INVS: variants seen among roughly 807,000 people sequenced by gnomAD.
INVS encodes the protein inversion of embryo turning homolog.
A neutral mutation model predicts 108.8 loss-of-function variants in INVS; 86 were observed. The ratio of observed to expected loss-of-function variants is 0.79; its 90% confidence interval spans 0.66 to 0.95. The LOEUF is 0.95. Ranked by LOEUF, INVS falls within the 40% of genes least tolerant of loss-of-function variation. INVS has a pLI of 0.00. For synonymous variants in INVS, 455 were observed against 473.5 expected (o/e 0.96, Z 0.51); for missense variants, 1,169 against 1,297.4 (o/e 0.90, Z 1.52).
At chr9:100,109,520 T>C (rs1827275784) in intron 2 of INVS, among the ~76,000 whole-genome samples, 1 of 152,214 alleles carries the variant, frequency 6.6e-6, no homozygotes, top group Non-Finnish European at 1.5e-5. Flanking sequence ...TAATGATCAA[T>C]GTTGTCATTA....
chr9:100,213,461 C>T (rs1426050890), intron 3 of INVS, among the ~76,000 whole-genome samples: 1 of 151,996 alleles, frequency 6.6e-6, no homozygotes, highest in Non-Finnish European at 1.5e-5. Flanking sequence ...CCACCTTGGC[C>T]TCCCAAAGTG....
At chr9:100,171,311 T>C (rs1489649453) in intron 3 of INVS, among the ~76,000 whole-genome samples, 1 of 152,198 alleles carries the variant, frequency 6.6e-6, no homozygotes, top group Non-Finnish European at 1.5e-5. Context: ...ACCTAGAGTA[T>C]TCAATATAGT....
intron 3 of INVS, among the ~76,000 whole-genome samples, chr9:100,151,333 G>T (rs903022560): frequency 6.6e-6 from 1 of 151,974 alleles, no homozygotes; most frequent in South Asian, 2.1e-4. Context: ...TTAAAAATTC[G>T]CCAGGCATGG....
At chr9:100,155,845 T>C (rs1828958430) in intron 3 of INVS, among the ~76,000 whole-genome samples, 1 of 152,228 alleles carries the variant, frequency 6.6e-6, no homozygotes, top group African/African-American at 2.4e-5. Context: ...ATTTCATTAG[T>C]AACCAAGATT....
intron 3 of INVS, among the ~76,000 whole-genome samples, chr9:100,158,007 G>A (rs552410596): frequency 6.6e-6 from 1 of 152,272 alleles, no homozygotes; most frequent in South Asian, 2.1e-4. Flanking sequence ...ATTTCTTAAT[G>A]TGGTGTATAT....
intron 3 of INVS, among the ~76,000 whole-genome samples, chr9:100,163,514 T>A (rs1829260529): frequency 6.6e-6 from 1 of 152,164 alleles, no homozygotes; most frequent in Non-Finnish European, 1.5e-5. Flanking sequence ...ACTTCAAAGA[T>A]CTTACATTTT....
At position 100,284,433 on chromosome 9, in the gene INVS, CCAG is replaced by C. The variant is rs886063267; in HGVS notation, c.1902_1904del (p.Ser634del). ...TGTCTGCCTAGCACCCAGGATGTGC[CCAG>C]CAGGCAGAGCCGGGCCCCCAGCAAG... On this transcript the variant is annotated inframe_deletion, in exon 13 of 17. Transcript: ENST00000262457. 6.2e-7 allele frequency: 1 copy of C among 1,614,164 alleles called. No homozygotes were observed. Among genetic ancestry groups the C allele is most frequent in the Non-Finnish European group, 8.5e-7 (1 of 1,180,028 alleles).
At position 100,285,091 on chromosome 9, in the gene INVS, T is replaced by G. The variant is rs201861609; in HGVS notation, c.2068+488T>G. On this transcript the variant is annotated intron_variant, in intron 13 of 16. Coordinates refer to ENST00000262457, the MANE Select transcript of INVS (RefSeq NM_014425.5). ...TCCTTTCTGTATGAAGAGCTTTCTATGGCCAATCTTTAAGGGTATGTCTGC... is the reference window on the plus strand; with the variant it reads ...TCCTTTCTGTATGAAGAGCTTTCTAGGGCCAATCTTTAAGGGTATGTCTGC... 9.2e-5 allele frequency among the ~76,000 whole-genome samples: 14 copies of G among 152,346 alleles called. No individual in the cohort carries two copies. The East Asian group carries it at 2.7e-3, about 29-fold the overall frequency.
chr9:100,210,334 G>A (rs558904966), intron 3 of INVS, among the ~76,000 whole-genome samples: 20 of 152,288 alleles, frequency 1.3e-4, no homozygotes, highest in African/African-American at 4.6e-4. Flanking sequence ...GGAGCTTATG[G>A]GGACAAATTG....
rs1833666693 is a variant in INVS at position 100,292,809 on chromosome 9, G to A, written c.2552G>A (p.Ser851Asn). 2 of 1,614,028 alleles carry A rather than the reference G, an allele frequency of 1.2e-6. No individual in the cohort carries two copies. The highest frequency in any genetic ancestry group is 1.7e-6 in the Non-Finnish European group (2 of 1,180,034). ...GGGCTCTATTCACATTTGCCACAGA[G>A]CACAGAGGAGTTGAGGTCAGGAGCT... The part of the protein sequence containing the change: ...TGGLYSHLPQ[S>N]TEELRSGARR... Residue 851 changes from serine (S) to asparagine (N), a missense_variant, in exon 14 of 17, where the codon AGC becomes AAC. Coordinates refer to ENST00000262457, the MANE Select transcript of INVS (RefSeq NM_014425.5).
At position 100,292,672 on chromosome 9, in the gene INVS, G is replaced by A. The variant is rs192492227; in HGVS notation, c.2415G>A (p.Pro805=). The change falls in exon 14 of 17, where the codon CCG becomes CCA. Residue 805 remains proline, a synonymous_variant. Coordinates refer to ENST00000262457, the MANE Select transcript of INVS (RefSeq NM_014425.5). ...AGCTCAGAGGAGGAAGGTGCTCTCC[G>A]GCTGGTTCTAGCCGCCCTGGCAGTG... ...TQELRGGRCS[P]AGSSRPGSAR... is the part of the protein sequence containing the mutation. 1.1e-5 allele frequency: 17 copies of A among 1,614,144 alleles called. No homozygotes were observed. Among genetic ancestry groups the A allele is most frequent in the Middle Eastern group, 1.6e-4 (1 of 6,062 alleles).
At chr9:100,276,374 G>T (rs561482664) in intron 12 of INVS, among the ~76,000 whole-genome samples, 1 of 152,326 alleles carries the variant, frequency 6.6e-6, no homozygotes, top group African/African-American at 2.4e-5. Flanking sequence ...GCAAATGCAA[G>T]CAGCCCATCA....
chr9:100,263,717 A>G (rs190002256), intron 10 of INVS, among the ~76,000 whole-genome samples: 9 of 152,338 alleles, frequency 5.9e-5, no homozygotes, highest in Admixed American at 5.2e-4. Context: ...GGATATGGAC[A>G]TCTTTGTGAG....
intron 2 of INVS, among the ~76,000 whole-genome samples, chr9:100,118,358 G>A (rs182697748): frequency 3.3e-5 from 5 of 151,030 alleles, no homozygotes; most frequent in African/African-American, 1.2e-4. Context: ...ACAGACGCCC[G>A]CCACCACACC....
rs559961019 is a variant in INVS at position 100,295,186 on chromosome 9, C to T, written c.2787-1731C>T. Among the ~76,000 whole-genome samples, 13 of 152,296 alleles carry T rather than the reference C, an allele frequency of 8.5e-5. No homozygotes were observed. In the South Asian group the frequency reaches 2.3e-3, roughly 27 times the overall value. The stretch of plus-strand genomic sequence containing the variant: ...TCCCTACCTGAAATGTCTCCTTCTC[C>T]GACTGTCTGACTCCTTTGAAGAGTC... On this transcript the variant is annotated intron_variant, in intron 14 of 16. Transcript: ENST00000262457.
At chr9:100,230,806 C>T (rs188346636) in intron 5 of INVS, among the ~76,000 whole-genome samples, 2 of 152,336 alleles carry the variant, frequency 1.3e-5, no homozygotes, top group Admixed American at 6.5e-5. Flanking sequence ...CGTGAGCCAA[C>T]GTGTCCGACC....
At chr9:100,262,029 C>T (rs1832641251) in intron 10 of INVS, among the ~76,000 whole-genome samples, 1 of 147,556 alleles carries the variant, frequency 6.8e-6, no homozygotes, top group Non-Finnish European at 1.5e-5. Context: ...TGGCAAATTA[C>T]ATTGACTGAT....
chr9:100,246,767 C>A lies in INVS; in HGVS notation c.1058C>A (p.Ala353Asp), dbSNP rs1222121668. 6.2e-7 allele frequency: 1 copy of A among 1,613,998 alleles called. No individual in the cohort carries two copies. Among genetic ancestry groups the A allele is most frequent in the Admixed American group, 1.7e-5 (1 of 60,018 alleles). Residue 353 changes from alanine to aspartate, a missense_variant, in exon 8 of 17, where the codon GCT becomes GAT. Ala to Asp is a moderately radical substitution (Grantham distance 126, BLOSUM62 -2). Around this residue, in one of 3 missense-constraint regions of INVS, gnomAD observed 271 missense variants for 363.8 expected, o/e 0.74. Transcript: ENST00000262457. ...SLKSDIDINMADKYGGTALHA... is the reference protein window; with the variant it reads ...SLKSDIDINMDDKYGGTALHA... ...AAATCGGACATAGATATTAACATGG[C>A]TGACAAATATGGAGGTACAGGTGAG...
intron 3 of INVS, among the ~76,000 whole-genome samples, chr9:100,135,362 G>A (rs531509468): frequency 2.4e-4 from 36 of 152,236 alleles, no homozygotes; most frequent in African/African-American, 7.9e-4. Flanking sequence ...TGAACATGCA[G>A]CAGAATCACT....
Sources: allele counts gnomAD v4.1 joint callset (sites outside exome capture counted in the v4.1 genomes callset), GRCh38; gene constraint gnomAD v4.1.1; regional missense constraint gnomAD v4.1.1; transcripts MANE v1.5; gene names NCBI Gene and HGNC (gene_info 2026-07-23, HGNC 2026-07-21).